The following LRFN5 variants were observed in gnomAD, a reference collection of about 807,000 sequenced individuals.
LRFN5 encodes the protein leucine-rich repeat and fibronectin type-III domain-containing protein 5.
A neutral mutation model predicts 45.6 loss-of-function variants in LRFN5; 24 were observed. The observed-to-expected ratio is 0.53, with a 90% CI of 0.38 to 0.74. LRFN5 has a LOEUF of 0.74. Among genes scored for constraint, LRFN5 ranks in the 30% least tolerant of loss-of-function variants. The pLI is 0.00. For synonymous variants in LRFN5, 340 were observed against 313.8 expected (o/e 1.08, Z -0.88); for missense variants, 776 against 861.5 (o/e 0.90, Z 1.24).
At chr14:41,695,188 A>G (rs1052668200) in intron 1 of LRFN5, among the ~76,000 whole-genome samples, 3 of 151,942 alleles carry the variant, frequency 2.0e-5, no homozygotes, top group Non-Finnish European at 2.9e-5. Flanking sequence ...GCCCTAACTC[A>G]TGTCAATTCT....
At chr14:41,776,698 C>G (rs1489910035) in intron 2 of LRFN5, among the ~76,000 whole-genome samples, 1 of 152,010 alleles carries the variant, frequency 6.6e-6, no homozygotes, top group Admixed American at 6.6e-5. Flanking sequence ...AAATAAAAAG[C>G]TTTCATTTAA....
At position 41,726,575 on chromosome 14, in the gene LRFN5, C is replaced by G. The variant is rs188518164; in HGVS notation, c.-196-40279C>G. Among the ~76,000 whole-genome samples, 16 of 152,220 alleles carry G rather than the reference C, an allele frequency of 1.1e-4. No homozygotes were observed. The East Asian group carries it at 2.9e-3, about 28-fold the overall frequency. ...TCTGAAAACCCATATGAACAGTAGT[C>G]TGTTCTACTTAGTCATACCTACTCC... On this transcript the variant is annotated intron_variant, in intron 1 of 5. Coordinates refer to ENST00000298119, the MANE Select transcript of LRFN5 (RefSeq NM_152447.5).
intron 1 of LRFN5, among the ~76,000 whole-genome samples, chr14:41,651,742 C>G (rs1413515734): frequency 6.6e-6 from 1 of 152,194 alleles, no homozygotes; most frequent in Non-Finnish European, 1.5e-5. Context: ...TTCCTATTCT[C>G]AGCTATTTTC....
chr14:41,685,955 C>CT (rs911846176), intron 1 of LRFN5, among the ~76,000 whole-genome samples: 2 of 151,988 alleles, frequency 1.3e-5, no homozygotes, highest in African/African-American at 4.8e-5. Flanking sequence ...ATGGGGTCCT[C>CT]TTTGATTCCA....
chr14:41,728,213 G>T (rs560237747), intron 1 of LRFN5, among the ~76,000 whole-genome samples: 3 of 151,996 alleles, frequency 2.0e-5, no homozygotes, highest in Non-Finnish European at 4.4e-5. Context: ...AAAAGCACAC[G>T]CAAACAAATT....
At chr14:41,900,953 A>T (rs1170610348) in intron 5 of LRFN5, among the ~76,000 whole-genome samples, 3 of 152,092 alleles carry the variant, frequency 2.0e-5, no homozygotes, top group Non-Finnish European at 4.4e-5. Context: ...TTCCGTAGCC[A>T]GTCATACTGA....
chr14:41,694,094 T>C (rs1249416383), intron 1 of LRFN5, among the ~76,000 whole-genome samples: 1 of 152,006 alleles, frequency 6.6e-6, no homozygotes, highest in Non-Finnish European at 1.5e-5. Flanking sequence ...ATTTATGTAG[T>C]TTAATTTAAT....
At chr14:41,749,492 T>C (rs1032536708) in intron 1 of LRFN5, among the ~76,000 whole-genome samples, 3 of 152,062 alleles carry the variant, frequency 2.0e-5, no homozygotes, top group Admixed American at 6.6e-5. Flanking sequence ...TTCCATGGTG[T>C]ATATAGAGAT....
chr14:41,775,910 A>G (rs1396843708), intron 2 of LRFN5, among the ~76,000 whole-genome samples: 1 of 152,206 alleles, frequency 6.6e-6, no homozygotes, highest in Non-Finnish European at 1.5e-5. Context: ...TTTCGGTCAG[A>G]TTTACTAAAA....
At chr14:41,741,546 C>CA in intron 1 of LRFN5, among the ~76,000 whole-genome samples, 3 of 151,712 alleles carry the variant, frequency 2.0e-5, no homozygotes, top group African/African-American at 7.2e-5. Context: ...AGAATTAATT[C>CA]AAAACGGACA....
At chr14:41,895,915 A>G (rs566847292) in intron 4 of LRFN5, among the ~76,000 whole-genome samples, 1 of 152,268 alleles carries the variant, frequency 6.6e-6, no homozygotes, top group Non-Finnish European at 1.5e-5. Context: ...ATAAACAATT[A>G]AAAAACATAA....
At chr14:41,901,202 C>A (rs530048895) in intron 5 of LRFN5, among the ~76,000 whole-genome samples, 1 of 151,798 alleles carries the variant, frequency 6.6e-6, no homozygotes, top group African/African-American at 2.4e-5. Context: ...AAAGGAATTA[C>A]GTATAAAATT....
intron 1 of LRFN5, among the ~76,000 whole-genome samples, chr14:41,688,161 C>G (rs1157791569): frequency 6.6e-6 from 1 of 151,950 alleles, no homozygotes; most frequent in Non-Finnish European, 1.5e-5. Flanking sequence ...GTTACCAGAG[C>G]CTGGGAAAGG....
At chr14:41,723,769 C>T (rs909707839) in intron 1 of LRFN5, among the ~76,000 whole-genome samples, 4 of 152,126 alleles carry the variant, frequency 2.6e-5, no homozygotes, top group Non-Finnish European at 4.4e-5. Flanking sequence ...TTTCACAGTT[C>T]TGAGTGTGAA....
chr14:41,710,942 A>G (rs1883258483), intron 1 of LRFN5, among the ~76,000 whole-genome samples: 1 of 152,038 alleles, frequency 6.6e-6, no homozygotes, highest in African/African-American at 2.4e-5. Flanking sequence ...ACATGAACTC[A>G]TCTTTTTTTA....
chr14:41,753,245 G>A (rs980949257), intron 1 of LRFN5, among the ~76,000 whole-genome samples: 41 of 151,238 alleles, frequency 2.7e-4, no homozygotes, highest in African/African-American at 8.8e-4. Context: ...ACTTGGCGAT[G>A]CGGGCTCTTT....
At chr14:41,778,042 A>G (rs1251997930) in intron 2 of LRFN5, among the ~76,000 whole-genome samples, 1 of 149,350 alleles carries the variant, frequency 6.7e-6, no homozygotes, top group African/African-American at 2.5e-5. Context: ...GGAAGATTAT[A>G]CTTTTGAATA....
chr14:41,874,552 A>G (rs931915102), intron 2 of LRFN5, among the ~76,000 whole-genome samples: 3 of 152,120 alleles, frequency 2.0e-5, no homozygotes, highest in African/African-American at 7.2e-5. Context: ...TCTTTGCTAT[A>G]CTTTCTTGGG....
At chr14:41,649,603 A>G (rs1248090245) in intron 1 of LRFN5, among the ~76,000 whole-genome samples, 1 of 152,156 alleles carries the variant, frequency 6.6e-6, no homozygotes, top group Non-Finnish European at 1.5e-5. Flanking sequence ...GCGTCAGTTT[A>G]GCAAGAATCC....
Sources: allele counts gnomAD v4.1 joint callset (sites outside exome capture counted in the v4.1 genomes callset), GRCh38; gene constraint gnomAD v4.1.1; transcripts MANE v1.5; gene names NCBI Gene and HGNC (gene_info 2026-07-23, HGNC 2026-07-21).